PLCB1: variants seen among roughly 807,000 people sequenced by gnomAD.
PLCB1 encodes the protein 1-phosphatidylinositol 4,5-bisphosphate phosphodiesterase beta-1.
In PLCB1, 46 loss-of-function variants were observed where a neutral mutation model predicts 161.8. The observed-to-expected ratio is 0.28, with a 90% CI of 0.22 to 0.36. The LOEUF is 0.36. Ranked by LOEUF, PLCB1 falls within the 10% of genes least tolerant of loss-of-function variation. PLCB1 has a pLI of 1.00. For missense variants in PLCB1, 1,016 were observed against 1,472.5 expected (o/e 0.69, Z 5.07); for synonymous variants, 517 against 503.7 (o/e 1.03, Z -0.35).
intron 19 of PLCB1, among the ~76,000 whole-genome samples, chr20:8,734,094 C>T (rs1294235283): frequency 3.1e-5 from 4 of 128,534 alleles, no homozygotes. Context: ...CGCCACTGCA[C>T]TCCAGCCTGG....
intron 31 of PLCB1, among the ~76,000 whole-genome samples, chr20:8,818,942 CAA>C (rs59427171): frequency 0.07 from 4,682 of 66,928 alleles, 187 homozygotes; most frequent in African/African-American, 0.18. Context: ...GACTCAGTCT[CAA>C]AAAAAAAAAA....
At chr20:8,860,418 C>A (rs1330294825) in intron 31 of PLCB1, among the ~76,000 whole-genome samples, 1 of 152,312 alleles carries the variant, frequency 6.6e-6, no homozygotes, top group South Asian at 2.1e-4. Flanking sequence ...AAACACTGTG[C>A]ATATCACTGA....
chr20:8,699,447 A>G (rs919212060), intron 11 of PLCB1, among the ~76,000 whole-genome samples: 1 of 152,234 alleles, frequency 6.6e-6, no homozygotes, highest in African/African-American at 2.4e-5. Flanking sequence ...AGATGGCAGA[A>G]GTGAAGAAGA....
At chr20:8,609,091 T>C (rs1987833600) in intron 3 of PLCB1, among the ~76,000 whole-genome samples, 2 of 152,164 alleles carry the variant, frequency 1.3e-5, no homozygotes, top group South Asian at 4.1e-4. Context: ...GATTTGAAAG[T>C]GTTAATTTCC....
At chr20:8,821,749 G>A (rs746393753) in intron 31 of PLCB1, among the ~76,000 whole-genome samples, 2 of 151,650 alleles carry the variant, frequency 1.3e-5, no homozygotes, top group East Asian at 3.9e-4. Flanking sequence ...CCACTACCCC[G>A]CTCTGTGGGT....
At chr20:8,392,516 C>G (rs1987638585) in intron 3 of PLCB1, among the ~76,000 whole-genome samples, 2 of 152,094 alleles carry the variant, frequency 1.3e-5, no homozygotes. Flanking sequence ...GTCATACCAT[C>G]TTTTAGGAAT....
At chr20:8,239,375 G>C (rs1413608767) in intron 2 of PLCB1, among the ~76,000 whole-genome samples, 1 of 151,996 alleles carries the variant, frequency 6.6e-6, no homozygotes, top group Non-Finnish European at 1.5e-5. Flanking sequence ...TCTTAGGCAA[G>C]GCAGTGCTAA....
intron 3 of PLCB1, among the ~76,000 whole-genome samples, chr20:8,474,654 C>G (rs1600094566): frequency 6.6e-6 from 1 of 152,088 alleles, no homozygotes; most frequent in Non-Finnish European, 1.5e-5. Flanking sequence ...CATTCATGCT[C>G]TAGCACCAGA....
At chr20:8,180,814 A>G (rs935071417) in intron 2 of PLCB1, among the ~76,000 whole-genome samples, 5 of 152,212 alleles carry the variant, frequency 3.3e-5, no homozygotes, top group Admixed American at 2.6e-4. Flanking sequence ...TGGTACCTCT[A>G]AACATTGCAA....
At chr20:8,591,236 C>G (rs1433584005) in intron 3 of PLCB1, among the ~76,000 whole-genome samples, 1 of 152,110 alleles carries the variant, frequency 6.6e-6, no homozygotes, top group African/African-American at 2.4e-5. Context: ...AACCTTAATA[C>G]TCACTTGCCA....
chr20:8,205,931 G>GA (rs1220271536), intron 2 of PLCB1, among the ~76,000 whole-genome samples: 1 of 151,444 alleles, frequency 6.6e-6, no homozygotes, highest in Non-Finnish European at 1.5e-5. Flanking sequence ...GATAAAAATG[G>GA]AAAAAATTAA....
chr20:8,688,886 A>C (rs1283401668), intron 10 of PLCB1, among the ~76,000 whole-genome samples: 1 of 152,108 alleles, frequency 6.6e-6, no homozygotes, highest in African/African-American at 2.4e-5. Context: ...GTGAAGAATG[A>C]TGGTGGTATT....
chr20:8,314,758 C>T (rs1381418169), intron 2 of PLCB1, among the ~76,000 whole-genome samples: 2 of 152,018 alleles, frequency 1.3e-5, no homozygotes, highest in African/African-American at 4.8e-5. Flanking sequence ...CAATGTAACT[C>T]CTCCATTTGA....
chr20:8,729,519 A>AT (rs2123492340), intron 18 of PLCB1: 1 of 163,332 alleles, frequency 6.1e-6, no homozygotes, highest in African/African-American at 2.4e-5. Flanking sequence ...CAACTCAGAG[A>AT]TTCCACAGTG....
intron 2 of PLCB1, among the ~76,000 whole-genome samples, chr20:8,157,745 T>C (rs1479803605): frequency 6.6e-6 from 1 of 152,246 alleles, no homozygotes; most frequent in Non-Finnish European, 1.5e-5. Context: ...AATTGAAGTG[T>C]AGCCTTTTAA....
intron 31 of PLCB1, among the ~76,000 whole-genome samples, chr20:8,810,828 G>A (rs1011210509): frequency 6.6e-6 from 1 of 152,194 alleles, no homozygotes; most frequent in Non-Finnish European, 1.5e-5. Context: ...GCTAGCTGTG[G>A]TGGTGCATGC....
chr20:8,193,121 C>T (rs557104606), intron 2 of PLCB1, among the ~76,000 whole-genome samples: 10 of 152,050 alleles, frequency 6.6e-5, no homozygotes, highest in South Asian at 2.1e-4. Flanking sequence ...TAACTTGACA[C>T]GTATTTTGTA....
chr20:8,337,249 T>C (rs1985616113), intron 2 of PLCB1, among the ~76,000 whole-genome samples: 1 of 152,234 alleles, frequency 6.6e-6, no homozygotes. Flanking sequence ...TGATAAAGAA[T>C]GTGAGGTATA....
At chr20:8,439,946 G>A (rs12624624) in intron 3 of PLCB1, among the ~76,000 whole-genome samples, 1 of 151,800 alleles carries the variant, frequency 6.6e-6, no homozygotes, top group Non-Finnish European at 1.5e-5. Context: ...TCATATCTTA[G>A]GATTTGTAGG....
Sources: allele counts gnomAD v4.1 joint callset (sites outside exome capture counted in the v4.1 genomes callset), GRCh38; gene constraint gnomAD v4.1.1; transcripts MANE v1.5; gene names NCBI Gene and HGNC (gene_info 2026-07-23, HGNC 2026-07-21).